The following MGA variants were observed in gnomAD, a reference collection of about 807,000 sequenced individuals.
MGA encodes MAX gene-associated protein.
MGA carries 40 observed loss-of-function variants against 261.1 expected under a neutral mutation model. That is an observed-to-expected ratio of 0.15 (90% CI 0.12 to 0.20). The LOEUF is 0.20. Among genes scored for constraint, MGA ranks in the 10% least tolerant of loss-of-function variants. The pLI, the probability that MGA is intolerant of heterozygous loss-of-function variation, is 1.00. For synonymous variants in MGA, 1,302 were observed against 1,290.6 expected, an observed-to-expected ratio of 1.01 and a Z score of -0.19; for missense variants, 3,397 against 3,630.5, an observed-to-expected ratio of 0.94 and a Z score of 1.65.
intron 19 of MGA, 93 bp downstream of exon 19, chr15:41,757,932 A>AT (rs886317202): frequency 1.9e-6 from 2 of 1,080,108 alleles, no homozygotes; most frequent in Non-Finnish European, 2.7e-6. Context: ...ATTAGCCACG[A>AT]TTTTTTCTCA....
intron 5 of MGA, among the ~76,000 whole-genome samples, chr15:41,707,514 T>C (rs1192394782): frequency 6.6e-6 from 1 of 152,244 alleles, no homozygotes; most frequent in Non-Finnish European, 1.5e-5. Flanking sequence ...AGGGGAGTTA[T>C]ACAAATGTGT....
chr15:41,757,087 C>G (rs2063194961), intron 18 of MGA, among the ~76,000 whole-genome samples: 1 of 152,054 alleles, frequency 6.6e-6, no homozygotes, highest in Non-Finnish European at 1.5e-5. Context: ...ATTGAGTAGA[C>G]TGCACATAGA....
chr15:41,691,347 G>A (rs1287194304), intron 2 of MGA, among the ~76,000 whole-genome samples: 1 of 152,008 alleles, frequency 6.6e-6, no homozygotes, highest in African/African-American at 2.4e-5. Context: ...TTCATTGCTA[G>A]TTTGTAGAAA....
chr15:41,639,980 A>T (rs2056788782), intron 1 of MGA, among the ~76,000 whole-genome samples: 1 of 152,180 alleles, frequency 6.6e-6, no homozygotes, highest in African/African-American at 2.4e-5. Context: ...TCTGTCAAGG[A>T]TGATGAGAGC....
intron 13 of MGA, among the ~76,000 whole-genome samples, chr15:41,738,065 A>G (rs2061884066): frequency 6.6e-6 from 1 of 152,034 alleles, no homozygotes; most frequent in South Asian, 2.1e-4. Flanking sequence ...CTTTCATTAG[A>G]TTGGCTGCTT....
intron 2 of MGA, among the ~76,000 whole-genome samples, chr15:41,694,948 T>A (rs1028235640): frequency 3.3e-5 from 5 of 152,204 alleles, no homozygotes; most frequent in Admixed American, 3.3e-4. Flanking sequence ...AAATGCTGTT[T>A]TCAGTCATAG....
rs768243481 is a variant in MGA, at chr15:41,750,588, G to T, written c.6981G>T (p.Gln2327His). The stretch of plus-strand genomic sequence containing the variant: ...TTGTGGATGTTGTTTCTGACTACCA[G>T]AGTGAGGAGGTTGATGATGTAGAAA... The change falls in exon 17 of 24, where the codon CAG (glutamine) becomes CAT (histidine). Residue 2327 changes from glutamine (Q) to histidine (H), a missense_variant. By Grantham distance (24) the Gln-to-His change is conservative (BLOSUM62 0). Coordinates refer to ENST00000219905, the MANE Select transcript of MGA (RefSeq NM_001164273.2). The T allele has an allele frequency of 7.5e-6, 12 of 1,609,502 alleles. No individual in the cohort carries two copies. In the South Asian group the frequency reaches 7.8e-5, roughly 10 times the overall value.
chr15:41,705,948 T>C (rs1471397832), intron 5 of MGA, among the ~76,000 whole-genome samples: 3 of 152,170 alleles, frequency 2.0e-5, no homozygotes, highest in Non-Finnish European at 2.9e-5. Flanking sequence ...ACAATAAATA[T>C]GTAATACAGG....
At position 41,711,265 on chromosome 15, in the gene MGA, C is replaced by A; in HGVS notation, c.3000C>A (p.Asp1000Glu). 1 of 1,614,012 alleles carries A rather than the reference C, an allele frequency of 6.2e-7. No homozygotes were observed. The highest frequency in any genetic ancestry group is 1.7e-5 in the Admixed American group (1 of 60,020). The stretch of plus-strand genomic sequence containing the variant: ...AGGTGAAGCTAATGGACCTGGAAGA[C>A]TGTGCACTTTGGGAAGGAAAACCAA... The change falls in exon 8 of 24, where the codon GAC becomes GAA. Residue 1000 changes from aspartate to glutamate, a missense_variant. Coordinates refer to ENST00000219905, the MANE Select transcript of MGA (RefSeq NM_001164273.2).
At chr15:41,661,250 G>C (rs766592541) in intron 1 of MGA, among the ~76,000 whole-genome samples, 1 of 152,094 alleles carries the variant, frequency 6.6e-6, no homozygotes, top group Non-Finnish European at 1.5e-5. Context: ...CTTTTACCTA[G>C]TTCTGTTTAT....
intron 2 of MGA, 67 bp downstream of exon 2, chr15:41,670,025 A>G: frequency 2.3e-6 from 3 of 1,301,056 alleles, no homozygotes; most frequent in Non-Finnish European, 3.2e-6. Context: ...GTTGGATTTA[A>G]CATCTTGGTT....
intron 3 of MGA, among the ~76,000 whole-genome samples, chr15:41,698,063 G>A (rs1461500440): frequency 6.9e-6 from 1 of 145,556 alleles, no homozygotes; most frequent in Non-Finnish European, 1.5e-5. Flanking sequence ...GTAGAGACGG[G>A]GTTTCACCAT....
At chr15:41,666,060 A>ATTT (rs11428325) in intron 1 of MGA, among the ~76,000 whole-genome samples, 16 of 138,824 alleles carry the variant, frequency 1.2e-4, no homozygotes, top group African/African-American at 3.2e-4. Flanking sequence ...CATACCTGCT[A>ATTT]TTTTTTTTTT....
intron 5 of MGA, among the ~76,000 whole-genome samples, chr15:41,707,397 G>A (rs142293373): frequency 1.6e-4 from 25 of 152,264 alleles, no homozygotes; most frequent in African/African-American, 6.0e-4. Flanking sequence ...CCAGCAAGAT[G>A]GATAACTTGT....
At chr15:41,670,029 C>A in intron 2 of MGA, 71 bp downstream of exon 2, 1 of 1,266,280 alleles carries the variant, frequency 7.9e-7, no homozygotes, top group Non-Finnish European at 1.1e-6. Context: ...GATTTAACAT[C>A]TTGGTTCTGT....
chr15:41,728,077 C>T (rs1242907782), intron 10 of MGA, among the ~76,000 whole-genome samples: 2 of 152,138 alleles, frequency 1.3e-5, no homozygotes, highest in African/African-American at 4.8e-5. Flanking sequence ...CGCTTGTAAT[C>T]CCAGCACTTT....
intron 1 of MGA, among the ~76,000 whole-genome samples, chr15:41,635,166 T>C (rs1222344974): frequency 6.6e-6 from 1 of 151,812 alleles, no homozygotes; most frequent in Non-Finnish European, 1.5e-5. Flanking sequence ...AAACCCCATC[T>C]CTACTAAAAA....
At chr15:41,698,170 T>TC (rs2059642634) in intron 3 of MGA, among the ~76,000 whole-genome samples, 1 of 72,940 alleles carries the variant, frequency 1.4e-5, no homozygotes. Context: ...GCCCCTGGCC[T>TC]CTTTTTTTTT....
chr15:41,695,504 A>G (rs946071697), intron 2 of MGA, among the ~76,000 whole-genome samples: 9 of 152,282 alleles, frequency 5.9e-5, no homozygotes, highest in African/African-American at 1.2e-4. Flanking sequence ...TATTTCTACC[A>G]TATTCTCAAG....
Sources: allele counts gnomAD v4.1 joint callset (sites outside exome capture counted in the v4.1 genomes callset), GRCh38; gene constraint gnomAD v4.1.1; transcripts MANE v1.5; gene names NCBI Gene and HGNC (gene_info 2026-07-23, HGNC 2026-07-21).